The following ZEB1 variants were observed in gnomAD, a reference collection of about 807,000 sequenced individuals.
ZEB1 encodes the protein zinc finger E-box-binding homeobox 1.
A neutral mutation model predicts 84.9 loss-of-function variants in ZEB1; 21 were observed. The ratio of observed to expected loss-of-function variants is 0.25; its 90% CI spans 0.18 to 0.36. The LOEUF (loss-of-function observed/expected upper bound fraction) is 0.36. ZEB1 is among the 10% of genes least tolerant of loss of function. The pLI is 1.00. For missense variants in ZEB1, 1,104 were observed against 1,330.2 expected (o/e 0.83, Z 2.65); for synonymous variants, 420 against 471.1 (o/e 0.89, Z 1.41).
At chr10:31,351,308 C>G (rs764264824) in intron 1 of ZEB1, among the ~76,000 whole-genome samples, 1 of 152,160 alleles carries the variant, frequency 6.6e-6, no homozygotes, top group African/African-American at 2.4e-5. Flanking sequence ...TTCGTAGTGT[C>G]TGCGTCAAAA....
At chr10:31,411,939 C>G (rs972849322) in intron 1 of ZEB1, among the ~76,000 whole-genome samples, 2 of 151,952 alleles carry the variant, frequency 1.3e-5, no homozygotes, top group South Asian at 4.1e-4. Context: ...TTGAATGTGT[C>G]GATACAAGAT....
At chr10:31,457,513 T>G (rs1003975529) in intron 1 of ZEB1, among the ~76,000 whole-genome samples, 8 of 152,268 alleles carry the variant, frequency 5.3e-5, no homozygotes, top group Admixed American at 2.0e-4. Context: ...AATACATTGA[T>G]TTTTTGGATT....
chr10:31,421,578 T>C (rs886989001), intron 1 of ZEB1, among the ~76,000 whole-genome samples: 1 of 152,062 alleles, frequency 6.6e-6, no homozygotes, highest in African/African-American at 2.4e-5. Context: ...TCATCTCTCT[T>C]TTTATCTGAT....
chr10:31,506,822 T>C (rs2069058716), intron 4 of ZEB1, among the ~76,000 whole-genome samples: 1 of 152,182 alleles, frequency 6.6e-6, no homozygotes, highest in Non-Finnish European at 1.5e-5. Context: ...TGTGTATCAT[T>C]TGTTCCTTTC....
At chr10:31,410,512 G>T (rs568175615) in intron 1 of ZEB1, among the ~76,000 whole-genome samples, 1 of 152,148 alleles carries the variant, frequency 6.6e-6, no homozygotes, top group East Asian at 1.9e-4. Context: ...GATGATGCTG[G>T]CCTCATAAAA....
At chr10:31,440,228 AG>A (rs2058759425) in intron 1 of ZEB1, among the ~76,000 whole-genome samples, 1 of 152,186 alleles carries the variant, frequency 6.6e-6, no homozygotes, top group South Asian at 2.1e-4. Flanking sequence ...GAAGACTGAG[AG>A]ACCAGGAATT....
At chr10:31,365,484 A>G (rs2044281632) in intron 1 of ZEB1, among the ~76,000 whole-genome samples, 1 of 152,230 alleles carries the variant, frequency 6.6e-6, no homozygotes, top group Non-Finnish European at 1.5e-5. Flanking sequence ...AATAAATTGC[A>G]TGTCTGTTGT....
At chr10:31,458,258 T>C (rs1382763275) in intron 1 of ZEB1, among the ~76,000 whole-genome samples, 1 of 151,734 alleles carries the variant, frequency 6.6e-6, no homozygotes, top group African/African-American at 2.4e-5. Flanking sequence ...GTACTGAAAG[T>C]AAAAATGAAA....
chr10:31,419,028 C>G (rs1030772060), intron 1 of ZEB1, among the ~76,000 whole-genome samples: 2 of 152,170 alleles, frequency 1.3e-5, no homozygotes, highest in East Asian at 1.9e-4. Flanking sequence ...ATTCTTAGTA[C>G]TAGTAATGTT....
chr10:31,321,269 C>A, intron 1 of ZEB1: 1 of 1,313,596 alleles, frequency 7.6e-7, no homozygotes, highest in Non-Finnish European at 9.7e-7. Context: ...TCCTTCCAAT[C>A]CATAATTATA....
At chr10:31,460,583 G>A (rs2061699394) in intron 1 of ZEB1, among the ~76,000 whole-genome samples, 1 of 152,078 alleles carries the variant, frequency 6.6e-6, no homozygotes, top group Admixed American at 6.6e-5. Flanking sequence ...CATTGGAGGG[G>A]AGGTTTAATA....
chr10:31,431,206 C>A (rs996335481), intron 1 of ZEB1, among the ~76,000 whole-genome samples: 1 of 152,180 alleles, frequency 6.6e-6, no homozygotes, highest in Non-Finnish European at 1.5e-5. Flanking sequence ...AGGTACATAT[C>A]TTTGTTGTTG....
intron 1 of ZEB1, among the ~76,000 whole-genome samples, chr10:31,377,682 CATTA>C (rs2046897914): frequency 6.6e-6 from 1 of 151,728 alleles, no homozygotes; most frequent in South Asian, 2.1e-4. Flanking sequence ...GCGATCTTTT[CATTA>C]ATGTCAAGTG....
intron 1 of ZEB1, among the ~76,000 whole-genome samples, chr10:31,394,385 T>C (rs1454733303): frequency 6.6e-6 from 1 of 152,208 alleles, no homozygotes; most frequent in African/African-American, 2.4e-5. Context: ...GATTTTTTTT[T>C]CTAAAGTTTT....
intron 1 of ZEB1, among the ~76,000 whole-genome samples, chr10:31,365,679 A>G (rs1313286434): frequency 6.6e-6 from 1 of 152,228 alleles, no homozygotes; most frequent in Non-Finnish European, 1.5e-5. Context: ...AGTCATATGA[A>G]TCACTCGATT....
At chr10:31,377,355 A>G (rs781649757) in intron 1 of ZEB1, among the ~76,000 whole-genome samples, 1 of 151,682 alleles carries the variant, frequency 6.6e-6, no homozygotes, top group Non-Finnish European at 1.5e-5. Context: ...CTGCTCTGCC[A>G]CTAGTTCCTG....
intron 3 of ZEB1, among the ~76,000 whole-genome samples, chr10:31,496,235 G>A (rs1230721097): frequency 6.6e-6 from 1 of 151,958 alleles, no homozygotes; most frequent in Non-Finnish European, 1.5e-5. Flanking sequence ...ACAAAAAGCA[G>A]AAGAAAATAG....
chr10:31,347,831 A>T (rs1238739577), intron 1 of ZEB1, among the ~76,000 whole-genome samples: 1 of 152,162 alleles, frequency 6.6e-6, no homozygotes, highest in African/African-American at 2.4e-5. Context: ...ATTATTGGGC[A>T]TACCCTTTTA....
At chr10:31,385,429 A>C (rs1020322691) in intron 1 of ZEB1, among the ~76,000 whole-genome samples, 3 of 152,158 alleles carry the variant, frequency 2.0e-5, no homozygotes, top group Non-Finnish European at 4.4e-5. Context: ...AGATTTTTTT[A>C]AAGTATACAC....
Sources: allele counts gnomAD v4.1 joint callset (sites outside exome capture counted in the v4.1 genomes callset), GRCh38; gene constraint gnomAD v4.1.1; transcripts MANE v1.5; gene names NCBI Gene and HGNC (gene_info 2026-07-23, HGNC 2026-07-21).